FKRP: variants seen among roughly 807,000 people sequenced by gnomAD.
FKRP encodes fukutin related protein.
A neutral mutation model predicts 30.6 loss-of-function variants in FKRP; 25 were observed. The ratio of observed to expected loss-of-function variants is 0.82; its 90% CI spans 0.60 to 1.14. The LOEUF (loss-of-function observed/expected upper bound fraction) is 1.14, where lower values mean the gene tolerates loss of function less well. FKRP is among the 50% of genes most tolerant of loss of function. FKRP has a pLI of 0.00. For synonymous variants in FKRP, 358 were observed against 342.5 expected, an observed-to-expected ratio of 1.05 and a Z score of -0.50; for missense variants, 771 against 727.8, an observed-to-expected ratio of 1.06 and a Z score of -0.68.
At chr19:46,745,361 C>T (rs1440377505), upstream of FKRP, among the ~76,000 whole-genome samples, 1 of 152,188 alleles carries the variant, frequency 6.6e-6, no homozygotes, top group Non-Finnish European at 1.5e-5. Context: ...CCAAAGAACC[C>T]TTCCCTGCAC....
chr19:46,756,505 G>C lies in FKRP; in HGVS notation c.1055G>C (p.Arg352Pro). The change falls in exon 4 of 4, where the codon CGC (arginine) becomes CCC (proline). Residue 352 changes from arginine (R) to proline (P), a missense_variant. Transcript: ENST00000318584. The surrounding 1 kb of genome is among the most constrained non-coding windows in gnomAD (Gnocchi z 6.6). The part of the protein sequence containing the change: ...LEGGSLLGAA[R>P]HGDIIPWDYD... ...GGCGGCTCACTGCTGGGGGCCGCCC[G>C]CCACGGGGACATCATCCCATGGGAC... 1.3e-6 allele frequency: 2 copies of C among 1,576,876 alleles called. No individual in the cohort carries two copies. Among genetic ancestry groups the C allele is most frequent in the Non-Finnish European group, 1.7e-6 (2 of 1,162,794 alleles).
At chr19:46,751,949 C>T (rs947643770) in intron 3 of FKRP, among the ~76,000 whole-genome samples, 6 of 152,036 alleles carry the variant, frequency 3.9e-5, no homozygotes, top group African/African-American at 1.4e-4. Context: ...TGGGGGCCGG[C>T]GCAGTGGGGT....
intron 3 of FKRP, among the ~76,000 whole-genome samples, chr19:46,750,942 C>G (rs2122555173): frequency 6.6e-6 from 1 of 152,238 alleles, no homozygotes; most frequent in South Asian, 2.1e-4. Context: ...GGGAAGAAAA[C>G]AGATTCCCTG....
At chr19:46,750,895 T>G (rs1222305187) in intron 3 of FKRP, among the ~76,000 whole-genome samples, 4 of 152,144 alleles carry the variant, frequency 2.6e-5, no homozygotes, top group Admixed American at 2.6e-4. Context: ...GCACCTGCTA[T>G]GCACCAAGCA....
At chr19:46,754,492 A>C (rs1339822999) in intron 3 of FKRP, among the ~76,000 whole-genome samples, 1 of 150,202 alleles carries the variant, frequency 6.7e-6, no homozygotes, top group Non-Finnish European at 1.5e-5. Flanking sequence ...CCCAGGTTCA[A>C]GTGATCCTCT....
chr19:46,745,337 T>C (rs1043042511), upstream of FKRP, among the ~76,000 whole-genome samples: 1 of 152,090 alleles, frequency 6.6e-6, no homozygotes, highest in African/African-American at 2.4e-5. Context: ...CCCTGCTCTG[T>C]CCACACTTCC....
Position 46,751,513 on chromosome 19 carries a change from G to A in FKRP, c.-40+2848G>A, listed in dbSNP as rs907471886. The stretch of plus-strand genomic sequence containing the variant: ...CCTGCCTCAGCCTCCCAAGTAGCTG[G>A]GATTACAGGCGCCTGTCACCATGCC... On this transcript the variant is annotated intron_variant, in intron 3 of 3. Coordinates refer to ENST00000318584, the MANE Select transcript of FKRP (RefSeq NM_024301.5). Among the ~76,000 whole-genome samples, 3 of 151,914 alleles carry A rather than the reference G, an allele frequency of 2.0e-5. No homozygotes were observed. The East Asian group carries it at 5.8e-4, about 29-fold the overall frequency.
chr19:46,755,860 C>A lies in FKRP; in HGVS notation c.410C>A (p.Ala137Glu). 1 of 1,489,928 alleles carries A rather than the reference C, an allele frequency of 6.7e-7. No individual in the cohort carries two copies. The highest frequency in any genetic ancestry group is 1.3e-5 in the South Asian group (1 of 77,186). 92.3% of individuals were successfully genotyped at this position (1,489,928 alleles called of 1,614,324 possible). The change falls in exon 4 of 4, where the codon GCA (alanine) becomes GAA (glutamate). Residue 137 changes from alanine to glutamate, a missense_variant. Coordinates refer to ENST00000318584, the MANE Select transcript of FKRP (RefSeq NM_024301.5). ...GTACCTGATGGGGCGCGGGCTGAGG[C>A]ACCTGGCCTGCTGGAGCGCATGGTG... Reference protein sequence around the residue: ...ALVPDGARAEAPGLLERMVEA... With the variant: ...ALVPDGARAEEPGLLERMVEA...
Position 46,755,946 on chromosome 19 carries a change from G to A in FKRP, c.496G>A (p.Ala166Thr), listed in dbSNP as rs1465236078. 1 of 1,535,240 alleles carries A rather than the reference G, an allele frequency of 6.5e-7. No homozygotes were observed. The highest frequency in any genetic ancestry group is 1.2e-5 in the South Asian group (1 of 83,972). Reference protein sequence around the residue: ...VAAPVATANPARCLALNVSLR... With the variant: ...VAAPVATANPTRCLALNVSLR... ...CGCCCCGGTTGCCACGGCCAACCCT[G>A]CCAGGTGCCTGGCCCTGAACGTCAG... The change falls in exon 4 of 4, where the codon GCC becomes ACC. Residue 166 changes from alanine to threonine, a missense_variant. Coordinates refer to ENST00000318584, the MANE Select transcript of FKRP (RefSeq NM_024301.5).
chr19:46,750,618 T>G (rs1162005182), intron 3 of FKRP, among the ~76,000 whole-genome samples: 1 of 151,924 alleles, frequency 6.6e-6, no homozygotes, highest in African/African-American at 2.4e-5. Context: ...CTCCACCTCC[T>G]GGGCTCAAGG....
Position 46,756,807 on chromosome 19 carries a change from C to T in FKRP, c.1357C>T (p.Pro453Ser). The T allele has an allele frequency of 6.2e-7, 1 of 1,600,514 alleles. No homozygotes were observed. Among genetic ancestry groups the T allele is most frequent in the Non-Finnish European group, 8.5e-7 (1 of 1,174,070 alleles). ...CTTCCTGCAGCCGCTGGTGCCCCTG[C>T]CCTTTGCCGGCTTCGTGGCGCAGGC... ...EHFLQPLVPL[P>S]FAGFVAQAPN... Residue 453 changes from proline (P) to serine (S), a missense_variant, in exon 4 of 4, where the codon CCC (proline) becomes TCC (serine). Coordinates refer to ENST00000318584, the MANE Select transcript of FKRP (RefSeq NM_024301.5). The surrounding 1 kb of genome is among the most constrained non-coding windows in gnomAD (Gnocchi z 6.6).
chr19:46,755,991 C>G lies in FKRP; in HGVS notation c.541C>G (p.Arg181Gly), dbSNP rs777245868. The G allele has an allele frequency of 1.3e-6, 2 of 1,545,306 alleles. No individual in the cohort carries two copies. The highest frequency in any genetic ancestry group is 1.9e-5 in the Admixed American group (1 of 51,966). The change falls in exon 4 of 4, where the codon CGC becomes GGC. Residue 181 changes from arginine to glycine, a missense_variant. Arg to Gly is a moderately radical substitution (Grantham distance 125, BLOSUM62 -2). Transcript: ENST00000318584. The stretch of plus-strand genomic sequence containing the variant: ...CGTCAGCCTGCGAGAGTGGACCGCC[C>G]GCTATGGCGCAGCCCCCGCCGCGCC... ...LNVSLREWTA[R>G]YGAAPAAPRC... is the part of the protein sequence containing the mutation.
At chr19:46,750,159 G>A (rs2054763319) in intron 3 of FKRP, among the ~76,000 whole-genome samples, 2 of 152,232 alleles carry the variant, frequency 1.3e-5, no homozygotes, top group African/African-American at 4.8e-5. Context: ...AGAACATTCA[G>A]ACCTTCAAAA....
At chr19:46,752,798 G>A (rs764579547) in intron 3 of FKRP, among the ~76,000 whole-genome samples, 2 of 151,938 alleles carry the variant, frequency 1.3e-5, no homozygotes, top group Non-Finnish European at 1.5e-5. Context: ...ACAGGAATTC[G>A]AGGCTGCAGT....
chr19:46,749,843 G>C (rs1041532377), intron 3 of FKRP, among the ~76,000 whole-genome samples: 2 of 151,880 alleles, frequency 1.3e-5, no homozygotes, highest in African/African-American at 4.8e-5. Context: ...TCAGCCACCA[G>C]AGTAGCTGGG....
rs745619101 is a variant in FKRP, at chr19:46,756,007, C to G, written c.557C>G (p.Pro186Arg). 6.4e-7 allele frequency: 1 copy of G among 1,561,490 alleles called. No individual in the cohort carries two copies. The highest frequency in any genetic ancestry group is 8.6e-7 in the Non-Finnish European group (1 of 1,162,542). The part of the protein sequence containing the change: ...REWTARYGAA[P>R]AAPRCDALDG... The stretch of plus-strand genomic sequence containing the variant: ...TGGACCGCCCGCTATGGCGCAGCCC[C>G]CGCCGCGCCCCGCTGCGACGCCCTG... The change falls in exon 4 of 4, where the codon CCC (proline) becomes CGC (arginine). Residue 186 changes from proline to arginine, a missense_variant. Coordinates refer to ENST00000318584, the MANE Select transcript of FKRP (RefSeq NM_024301.5). This position sits in a 1 kb window ranked among gnomAD's most constrained non-coding sequence, Gnocchi z 6.6.
At chr19:46,752,932 C>T (rs942616543) in intron 3 of FKRP, among the ~76,000 whole-genome samples, 5 of 151,938 alleles carry the variant, frequency 3.3e-5, no homozygotes, top group Non-Finnish European at 4.4e-5. Context: ...TTTCTGGAGG[C>T]CAAGGCAGGC....
intron 3 of FKRP, among the ~76,000 whole-genome samples, chr19:46,750,086 A>G (rs2054760777): frequency 6.6e-6 from 1 of 152,218 alleles, no homozygotes; most frequent in African/African-American, 2.4e-5. Context: ...TGCTTAGAAC[A>G]GGGCCTGGCA....
At position 46,756,067 on chromosome 19, in the gene FKRP, A is replaced by T. The variant is rs756774666; in HGVS notation, c.617A>T (p.Asp206Val). The T allele has an allele frequency of 6.4e-7, 1 of 1,561,466 alleles. No homozygotes were observed. Among genetic ancestry groups the T allele is most frequent in the Non-Finnish European group, 8.6e-7 (1 of 1,163,470 alleles). The change falls in exon 4 of 4, where the codon GAC becomes GTC. Residue 206 changes from aspartate (D) to valine (V), a missense_variant. Transcript: ENST00000318584. The surrounding 1 kb of genome is among the most constrained non-coding windows in gnomAD (Gnocchi z 6.6). The stretch of plus-strand genomic sequence containing the variant: ...GCTGTGGTGCTCCTGCGCGCCCGCG[A>T]CCTCTTCAACCTCTCGGCGCCCCTG... Reference protein sequence around the residue: ...GDAVVLLRARDLFNLSAPLAR... With the variant: ...GDAVVLLRARVLFNLSAPLAR...
Sources: gnomAD v4.1 joint callset for allele counts (sites outside exome capture counted in the v4.1 genomes callset) on GRCh38, gnomAD v4.1.1 for gene constraint, Gnocchi (gnomAD v3.1) non-coding constraint, MANE v1.5 for transcripts, NCBI Gene and HGNC (gene_info 2026-07-23, HGNC 2026-07-21) for gene names.